The following RSAD2 variants were observed in gnomAD, a reference collection of about 807,000 sequenced individuals.
RSAD2 encodes S-adenosylmethionine-dependent nucleotide dehydratase RSAD2.
In RSAD2, 38 loss-of-function variants were observed where a neutral mutation model predicts 37.7. That is an observed-to-expected ratio of 1.01 (90% confidence interval 0.78 to 1.32). The LOEUF (loss-of-function observed/expected upper bound fraction) is 1.32. Ranked by LOEUF, RSAD2 falls within the 40% of genes most tolerant of loss-of-function variation. RSAD2 has a pLI of 0.00. For synonymous variants in RSAD2, 163 were observed against 157.4 expected (o/e 1.04, Z -0.27); for missense variants, 428 against 437.5 (o/e 0.98, Z 0.19).
In RSAD2 at chr2:6,886,928, C is replaced by G; in HGVS notation, c.509-7C>G. 6.2e-7 allele frequency: 1 copy of G among 1,608,508 alleles called. No homozygotes were observed. Among genetic ancestry groups the G allele is most frequent in the African/African-American group, 1.3e-5 (1 of 74,884 alleles). On this transcript the variant is annotated splice_polypyrimidine_tract_variant and splice_region_variant and intron_variant, in intron 2 of 5. Transcript: ENST00000382040. ...AGAAAAGTTTAAACATGATCATTTT[C>G]CCTCAGGTGAGTATTTGGACATTCT...
At chr2:6,881,629 A>G (rs1663402774) in intron 1 of RSAD2, among the ~76,000 whole-genome samples, 2 of 152,246 alleles carry the variant, frequency 1.3e-5, no homozygotes, top group South Asian at 2.1e-4. Flanking sequence ...TAATAGAGAC[A>G]AGAAAGAGGT....
In RSAD2 at chr2:6,878,964, C is replaced by T. The variant is rs74390400; in HGVS notation, c.346+818C>T. The T allele has an allele frequency of 2.4e-3, 1,473 of 601,620 alleles. 11 individuals are homozygous for T. In the African/African-American group the frequency reaches 0.025, roughly 10 times the overall value. 37.3% of individuals were successfully genotyped at this position (601,620 alleles called of 1,614,324 possible). On this transcript the variant is annotated intron_variant, in intron 1 of 5. Coordinates refer to ENST00000382040, the MANE Select transcript of RSAD2 (RefSeq NM_080657.5). ...ATGAATTTCACAAAGCAATCACAGC[C>T]AGGTAAATAGCCTGCAGATTCAGAG...
At chr2:6,895,501 T>C (rs903060081) in intron 5 of RSAD2, among the ~76,000 whole-genome samples, 4 of 152,208 alleles carry the variant, frequency 2.6e-5, no homozygotes, top group Non-Finnish European at 4.4e-5. Flanking sequence ...GATTACCCCT[T>C]CCCCCAGTGG....
At chr2:6,866,339 C>T (rs1663089664) in intron 1 of RSAD2, 14 of 699,522 alleles carry the variant, frequency 2.0e-5, no homozygotes, top group Non-Finnish European at 2.5e-5. Flanking sequence ...GGGAACAGGG[C>T]GCAGTTCTGG....
At chr2:6,893,806 C>G in intron 5 of RSAD2, 103 bp downstream of exon 5, 4 of 781,284 alleles carry the variant, frequency 5.1e-6, no homozygotes, top group South Asian at 4.7e-5. Flanking sequence ...CCTATTTGTC[C>G]TTCTTAATTA....
At chr2:6,870,649 C>G (rs1333573717) in intron 1 of RSAD2, among the ~76,000 whole-genome samples, 1 of 152,180 alleles carries the variant, frequency 6.6e-6, no homozygotes, top group Non-Finnish European at 1.5e-5. Flanking sequence ...GGGAAATTTC[C>G]TCTTGACCCC....
At chr2:6,868,534 T>C (rs1229815801) in intron 1 of RSAD2, among the ~76,000 whole-genome samples, 1 of 152,228 alleles carries the variant, frequency 6.6e-6, no homozygotes, top group African/African-American at 2.4e-5. Flanking sequence ...TCTATAACTC[T>C]GTAACCCAAA....
intron 4 of RSAD2, 91 bp from the exon 5 acceptor site, chr2:6,893,580 C>G (rs1344182710): frequency 9.8e-7 from 1 of 1,021,028 alleles, no homozygotes; most frequent in African/African-American, 1.6e-5. Flanking sequence ...GGATCCAAAA[C>G]AATACAATGC....
At chr2:6,891,721 C>A (rs1346710696) in intron 4 of RSAD2, among the ~76,000 whole-genome samples, 2 of 152,052 alleles carry the variant, frequency 1.3e-5, no homozygotes, top group Non-Finnish European at 2.9e-5. Flanking sequence ...GAGCGGAGAT[C>A]GCTCACTGCA....
At chr2:6,866,839 A>C (rs1663103176) in intron 1 of RSAD2, among the ~76,000 whole-genome samples, 1 of 151,526 alleles carries the variant, frequency 6.6e-6, no homozygotes, top group South Asian at 2.1e-4. Context: ...TTTATGTCTT[A>C]ATAGTATTGG....
chr2:6,889,136 T>A (rs1159746305), intron 3 of RSAD2, among the ~76,000 whole-genome samples: 2 of 152,140 alleles, frequency 1.3e-5, no homozygotes, highest in Non-Finnish European at 2.9e-5. Flanking sequence ...TGGAAAAAAA[T>A]GCCTGTGCTG....
chr2:6,879,063 A>G (rs1558334375), intron 1 of RSAD2: 1 of 456,274 alleles, frequency 2.2e-6, no homozygotes, highest in Admixed American at 2.3e-5. Context: ...CTGGACTTCT[A>G]ACACACAGAT....
At chr2:6,895,426 C>T (rs1379889128) in intron 5 of RSAD2, among the ~76,000 whole-genome samples, 1 of 152,196 alleles carries the variant, frequency 6.6e-6, no homozygotes, top group East Asian at 1.9e-4. Flanking sequence ...TTTATGATAC[C>T]ATTCCCTCCA....
At chr2:6,895,316 A>G (rs758622905) in intron 5 of RSAD2, among the ~76,000 whole-genome samples, 13 of 152,306 alleles carry the variant, frequency 8.5e-5, no homozygotes, top group Non-Finnish European at 1.6e-4. Flanking sequence ...ATATTTACAT[A>G]TATGCATGCA....
At chr2:6,866,139 G>C (rs751532420) in intron 1 of RSAD2, 2 of 215,206 alleles carry the variant, frequency 9.3e-6, no homozygotes, top group African/African-American at 4.8e-5. Context: ...GAGGGGGGCG[G>C]GGGTGCACGC....
At chr2:6,883,889 C>G (rs1319216143) in intron 2 of RSAD2, 1 of 188,994 alleles carries the variant, frequency 5.3e-6, no homozygotes. Context: ...TGGGACTGGA[C>G]TGGATCCATG....
Position 6,896,182 on chromosome 2 carries a change from G to A in RSAD2, c.*240G>A, listed in dbSNP as rs1284665794. 1 of 402,834 alleles carries A rather than the reference G, an allele frequency of 2.5e-6. No homozygotes were observed. The highest frequency in any genetic ancestry group is 3.8e-5 in the East Asian group (1 of 26,614). 25.0% of individuals were successfully genotyped at this position (402,834 alleles called of 1,614,324 possible). On this transcript the variant is annotated 3_prime_UTR_variant, in exon 6 of 6. Coordinates refer to ENST00000382040, the MANE Select transcript of RSAD2 (RefSeq NM_080657.5). ...TTATAACCTTGTTGTTATTGAAACA[G>A]CACTTCTGTTTTTGAGTTTGTTTTA...
chr2:6,897,720 C>T lies in RSAD2; in HGVS notation c.*1778C>T, dbSNP rs945092831. ...AACATGAGTGCACTTTACTAATCCTCATGGCACAGTGGCTCACGCCTGTAA... is the reference window on the plus strand; with the variant it reads ...AACATGAGTGCACTTTACTAATCCTTATGGCACAGTGGCTCACGCCTGTAA... On this transcript the variant is annotated 3_prime_UTR_variant, in exon 6 of 6. Coordinates refer to ENST00000382040, the MANE Select transcript of RSAD2 (RefSeq NM_080657.5). The T allele has an allele frequency of 5.9e-5, 9 of 152,224 alleles. No homozygotes were observed. The highest frequency in any genetic ancestry group is 3.3e-4 in the Admixed American group (5 of 15,276). 9.4% of individuals were successfully genotyped at this position (152,224 alleles called of 1,614,324 possible). A position where few individuals can be genotyped will look rare whatever the true frequency, so the allele number is the denominator to read the frequency against.
At chr2:6,885,799 T>C (rs1663505363) in intron 2 of RSAD2, among the ~76,000 whole-genome samples, 1 of 152,222 alleles carries the variant, frequency 6.6e-6, no homozygotes. Flanking sequence ...TTCTGGTCTG[T>C]TTGGAGATCA....
Sources: allele counts gnomAD v4.1 joint callset (sites outside exome capture counted in the v4.1 genomes callset), GRCh38; gene constraint gnomAD v4.1.1; transcripts MANE v1.5; gene names NCBI Gene and HGNC (gene_info 2026-07-23, HGNC 2026-07-21).